The following CCDC85A variants were observed in gnomAD, a reference collection of about 807,000 sequenced individuals.
CCDC85A encodes coiled-coil domain containing 85A.
Under a neutral mutation model 50.2 loss-of-function variants are expected in CCDC85A, and 38 were observed. The observed-to-expected ratio is 0.76, with a 90% CI of 0.58 to 0.99. CCDC85A has a LOEUF of 0.99. Among genes scored for constraint, CCDC85A ranks in the 50% least tolerant of loss-of-function variants. The pLI, the probability that CCDC85A is intolerant of heterozygous loss-of-function variation, is 0.00. For missense variants in CCDC85A, 820 were observed against 742.0 expected, an observed-to-expected ratio of 1.11 and a Z score of -1.22; for synonymous variants, 366 against 301.4, an observed-to-expected ratio of 1.21 and a Z score of -2.22.
chr2:56,187,792 T>C (rs1676116772), intron 1 of CCDC85A, among the ~76,000 whole-genome samples: 1 of 152,142 alleles, frequency 6.6e-6, no homozygotes, highest in South Asian at 2.1e-4. Context: ...AGGGTTATGT[T>C]GTAAGGAACT....
In CCDC85A at chr2:56,184,519, C is replaced by T; in HGVS notation, c.-106C>T. ...CGGCCCCTGGGCGGTGCCGCTGACTCGCCGGAGCGCACAGGGGTGTGGGCG... is the reference window on the plus strand; with the variant it reads ...CGGCCCCTGGGCGGTGCCGCTGACTTGCCGGAGCGCACAGGGGTGTGGGCG... On this transcript the variant is annotated 5_prime_UTR_variant, in exon 1 of 6. Transcript: ENST00000407595. The T allele has an allele frequency of 4.1e-6, 5 of 1,213,902 alleles. No homozygotes were observed. Among genetic ancestry groups the T allele is most frequent in the Non-Finnish European group, 4.2e-6 (4 of 959,304 alleles). The allele number at this position is 1,213,902 out of a possible 1,614,324, so 75.2% of individuals were successfully genotyped here.
chr2:56,374,547 G>T (rs959794040), intron 4 of CCDC85A, among the ~76,000 whole-genome samples: 3 of 152,176 alleles, frequency 2.0e-5, no homozygotes, highest in African/African-American at 4.8e-5. Context: ...GATTGCTCAT[G>T]CCTGTAATCC....
intron 2 of CCDC85A, among the ~76,000 whole-genome samples, chr2:56,340,403 T>C (rs942921232): frequency 2.6e-5 from 4 of 152,154 alleles, no homozygotes; most frequent in Non-Finnish European, 5.9e-5. Context: ...TGTCTGAGGC[T>C]GAAGAACATG....
chr2:56,302,191 G>A (rs1672240832), intron 2 of CCDC85A, among the ~76,000 whole-genome samples: 1 of 152,126 alleles, frequency 6.6e-6, no homozygotes, highest in Non-Finnish European at 1.5e-5. Flanking sequence ...GGGAGGCAGA[G>A]GTTGCAGTGA....
At chr2:56,324,678 A>G (rs980575113) in intron 2 of CCDC85A, among the ~76,000 whole-genome samples, 7 of 152,092 alleles carry the variant, frequency 4.6e-5, no homozygotes, top group African/African-American at 9.7e-5. Flanking sequence ...ATTATTCACA[A>G]TTGTGTTTAT....
intron 2 of CCDC85A, among the ~76,000 whole-genome samples, chr2:56,333,022 A>G (rs1222579002): frequency 3.9e-5 from 6 of 152,240 alleles, no homozygotes; most frequent in Non-Finnish European, 8.8e-5. Context: ...TAGGCACTCA[A>G]CTATGTCAGT....
At chr2:56,285,431 G>GATTAATTATATTAATAATATA (rs1671394165) in intron 2 of CCDC85A, among the ~76,000 whole-genome samples, 1 of 144,464 alleles carries the variant, frequency 6.9e-6, no homozygotes, top group East Asian at 2.0e-4. Flanking sequence ...TGTTCTTATC[G>GATTAATTATATTAATAATATA]ATTAATTATA....
At chr2:56,314,141 G>A (rs184289340) in intron 2 of CCDC85A, among the ~76,000 whole-genome samples, 9 of 149,550 alleles carry the variant, frequency 6.0e-5, no homozygotes, top group Admixed American at 4.7e-4. Context: ...GAATGAGCTC[G>A]GGCACTTAGC....
intron 2 of CCDC85A, among the ~76,000 whole-genome samples, chr2:56,267,786 C>A (rs1001723209): frequency 3.9e-5 from 6 of 152,130 alleles, no homozygotes; most frequent in African/African-American, 1.2e-4. Flanking sequence ...ATTACACTTA[C>A]AATAAAAACT....
At chr2:56,293,903 C>A (rs770298870) in intron 2 of CCDC85A, among the ~76,000 whole-genome samples, 1 of 152,156 alleles carries the variant, frequency 6.6e-6, no homozygotes, top group Non-Finnish European at 1.5e-5. Flanking sequence ...GTGGCAATTC[C>A]TCAAAGATTT....
chr2:56,346,751 A>T (rs907455121), intron 3 of CCDC85A, among the ~76,000 whole-genome samples: 1 of 152,246 alleles, frequency 6.6e-6, no homozygotes, highest in Non-Finnish European at 1.5e-5. Context: ...CCTGGACTTT[A>T]GGATATTCTT....
chr2:56,281,896 TTAG>T (rs1463658222), intron 2 of CCDC85A, among the ~76,000 whole-genome samples: 3 of 152,224 alleles, frequency 2.0e-5, no homozygotes, highest in Non-Finnish European at 4.4e-5. Flanking sequence ...TGTCATTTTC[TTAG>T]TGGTGTTTAG....
chr2:56,343,094 T>C (rs1219356638), intron 3 of CCDC85A, 139 bp downstream of exon 3: 1 of 589,480 alleles, frequency 1.7e-6, no homozygotes, highest in Non-Finnish European at 3.0e-6. Context: ...CAATGTAGAG[T>C]GTGATTATGT....
Position 56,196,937 on chromosome 2 carries a change from C to G in CCDC85A, c.1240+3497C>G, listed in dbSNP as rs1016898935. Among the ~76,000 whole-genome samples, 9 of 151,592 alleles carry G rather than the reference C, an allele frequency of 5.9e-5. No individual in the cohort carries two copies. In the South Asian group the frequency reaches 1.9e-3, roughly 32 times the overall value. ...TAATTATCCTGGTGGGTCTGATTCC[C>G]TTTGCCTTGTTAGAGCAAGTTTCAG... On this transcript the variant is annotated intron_variant, in intron 2 of 5. Coordinates refer to ENST00000407595, the MANE Select transcript of CCDC85A (RefSeq NM_001080433.2).
At chr2:56,243,628 T>G (rs994182895) in intron 2 of CCDC85A, among the ~76,000 whole-genome samples, 2 of 152,232 alleles carry the variant, frequency 1.3e-5, no homozygotes, top group Admixed American at 1.3e-4. Context: ...CTCTCCAGGC[T>G]TGGCCCCTGG....
At chr2:56,257,233 A>T (rs1248330218) in intron 2 of CCDC85A, among the ~76,000 whole-genome samples, 1 of 152,102 alleles carries the variant, frequency 6.6e-6, no homozygotes, top group African/African-American at 2.4e-5. Context: ...TGTTGGGGAG[A>T]TGGTGGCAAG....
intron 2 of CCDC85A, among the ~76,000 whole-genome samples, chr2:56,229,329 TTTGA>T (rs1452300535): frequency 1.6e-4 from 24 of 152,342 alleles, no homozygotes; most frequent in African/African-American, 5.0e-4. Context: ...TATTTTTTCC[TTTGA>T]TTGGCTGAGT....
intron 2 of CCDC85A, among the ~76,000 whole-genome samples, chr2:56,214,406 C>G (rs1377042608): frequency 2.6e-5 from 4 of 151,742 alleles, no homozygotes; most frequent in Non-Finnish European, 5.9e-5. Context: ...CATTGATTAC[C>G]CCACCACTTG....
At chr2:56,239,345 A>G (rs1041203172) in intron 2 of CCDC85A, among the ~76,000 whole-genome samples, 25 of 152,218 alleles carry the variant, frequency 1.6e-4, no homozygotes, top group Non-Finnish European at 2.5e-4. Flanking sequence ...GAGAGATGGC[A>G]TAAAGTGGTA....
Sources: allele counts gnomAD v4.1 joint callset (sites outside exome capture counted in the v4.1 genomes callset), GRCh38; gene constraint gnomAD v4.1.1; transcripts MANE v1.5; gene names NCBI Gene and HGNC (gene_info 2026-07-23, HGNC 2026-07-21).